Variants in IL17RD observed in about 807,000 individuals in gnomAD.
IL17RD encodes the protein interleukin-17 receptor D.
Under a neutral mutation model 80.5 loss-of-function variants are expected in IL17RD, and 52 were observed. The observed-to-expected ratio is 0.65, with a 90% confidence interval of 0.52 to 0.81. The LOEUF is 0.81. Among genes scored for constraint, IL17RD ranks in the 40% least tolerant of loss-of-function variants. The probability of loss-of-function intolerance (pLI) is 0.00; values close to 1 mark genes in which losing one functional copy is unlikely to be tolerated. For synonymous variants in IL17RD, 416 were observed against 391.8 expected, an observed-to-expected ratio of 1.06 and a Z score of -0.73; for missense variants, 1,024 against 955.1, an observed-to-expected ratio of 1.07 and a Z score of -0.95.
At chr3:57,165,966 A>C (rs1428846171), upstream of IL17RD, among the ~76,000 whole-genome samples, 1 of 152,218 alleles carries the variant, frequency 6.6e-6, no homozygotes, top group Non-Finnish European at 1.5e-5. Flanking sequence ...TAAAGGCTAC[A>C]ATCTATCATT....
rs143192526 is a variant in IL17RD at position 57,107,497 on chromosome 3, A to C, written c.551-1343T>G. Among the ~76,000 whole-genome samples, 165 of 152,338 alleles carry C rather than the reference A, an allele frequency of 1.1e-3. 1 individual carries two copies. Among genetic ancestry groups the C allele is most frequent in the African/African-American group, 3.8e-3 (158 of 41,580 alleles). On this transcript the variant is annotated intron_variant, in intron 5 of 12. Transcript: ENST00000296318. The stretch of plus-strand genomic sequence containing the variant: ...GTAGGCTGGAGTTGTGAACAGAAAC[A>C]TCACAATGGATGAGGGCTGCAACCA...
intron 1 of IL17RD, among the ~76,000 whole-genome samples, chr3:57,145,318 T>C (rs1166415407): frequency 1.3e-5 from 2 of 152,046 alleles, no homozygotes; most frequent in African/African-American, 2.4e-5. Context: ...ATGTTAAAAA[T>C]TGGGAGATGC....
chr3:57,130,220 C>T (rs1707576284), intron 1 of IL17RD, among the ~76,000 whole-genome samples: 1 of 152,134 alleles, frequency 6.6e-6, no homozygotes, highest in Admixed American at 6.5e-5. Context: ...TCATGAAGGC[C>T]ACCCAAGGGC....
At chr3:57,109,501 T>A (rs1191913494) in intron 5 of IL17RD, 36 bp downstream of exon 5, 4 of 1,593,136 alleles carry the variant, frequency 2.5e-6, no homozygotes, top group Non-Finnish European at 3.4e-6. Flanking sequence ...GAGAAAAGTC[T>A]TCTCATGGGA....
chr3:57,122,969 C>T (rs185013001), intron 1 of IL17RD, among the ~76,000 whole-genome samples: 90 of 151,796 alleles, frequency 5.9e-4, no homozygotes, highest in South Asian at 8.3e-4. Context: ...TTTGTTTCCT[C>T]TTATTCCTAT....
intron 1 of IL17RD, among the ~76,000 whole-genome samples, chr3:57,158,212 T>G (rs2107544297): frequency 6.6e-6 from 1 of 152,332 alleles, no homozygotes; most frequent in East Asian, 1.9e-4. Flanking sequence ...GTAGTAGTTT[T>G]AATGAAAAGC....
At chr3:57,096,954 G>T (rs955443765) in intron 12 of IL17RD, among the ~76,000 whole-genome samples, 9 of 150,866 alleles carry the variant, frequency 6.0e-5, no homozygotes, top group Non-Finnish European at 1.3e-4. Context: ...AGGTTGCAGT[G>T]AGCTGAGATC....
intron 1 of IL17RD, among the ~76,000 whole-genome samples, chr3:57,124,940 T>C (rs1179397966): frequency 6.6e-6 from 1 of 152,146 alleles, no homozygotes; most frequent in Non-Finnish European, 1.5e-5. Context: ...GAGCTGCCGC[T>C]TGAGATTCTA....
At chr3:57,145,237 T>C (rs1006577841) in intron 1 of IL17RD, among the ~76,000 whole-genome samples, 3 of 152,118 alleles carry the variant, frequency 2.0e-5, no homozygotes, top group Non-Finnish European at 2.9e-5. Flanking sequence ...GATTCACTGA[T>C]TGATTGGGCC....
intron 1 of IL17RD, among the ~76,000 whole-genome samples, chr3:57,133,495 A>C (rs1707657226): frequency 6.6e-6 from 1 of 152,248 alleles, no homozygotes; most frequent in Non-Finnish European, 1.5e-5. Context: ...ATGCTTGCCA[A>C]GGAGTATTCA....
chr3:57,157,641 A>G (rs146447686), intron 1 of IL17RD, among the ~76,000 whole-genome samples: 62 of 152,378 alleles, frequency 4.1e-4, no homozygotes, highest in African/African-American at 1.5e-3. Context: ...GACCACGCTC[A>G]GGCGGCGGAC....
chr3:57,125,720 A>C (rs984580625), intron 1 of IL17RD, among the ~76,000 whole-genome samples: 4 of 152,200 alleles, frequency 2.6e-5, no homozygotes, highest in African/African-American at 9.7e-5. Context: ...AGGTATTGGT[A>C]GGCACTGATC....
intron 11 of IL17RD, among the ~76,000 whole-genome samples, chr3:57,100,833 C>T (rs1706811032): frequency 6.6e-6 from 1 of 152,230 alleles, no homozygotes; most frequent in African/African-American, 2.4e-5. Context: ...CCTGAACATG[C>T]TCACTAGGAT....
chr3:57,111,015 C>G (rs1174465500), intron 3 of IL17RD, among the ~76,000 whole-genome samples: 1 of 152,196 alleles, frequency 6.6e-6, no homozygotes, highest in Non-Finnish European at 1.5e-5. Flanking sequence ...ACTGCACGTC[C>G]GACTAGATGC....
intron 1 of IL17RD, among the ~76,000 whole-genome samples, chr3:57,138,644 G>A (rs1371711717): frequency 1.3e-5 from 2 of 152,014 alleles, no homozygotes; most frequent in Admixed American, 6.6e-5. Flanking sequence ...GCAATAACGA[G>A]AATACTGGGG....
intron 1 of IL17RD, chr3:57,134,620 G>A (rs1416054449): frequency 9.2e-6 from 8 of 873,714 alleles, no homozygotes; most frequent in Non-Finnish European, 1.2e-5. Flanking sequence ...GCTAAGGCCC[G>A]CAGGTCTAAG....
chr3:57,126,745 G>A (rs1168676109), intron 1 of IL17RD, among the ~76,000 whole-genome samples: 1 of 152,196 alleles, frequency 6.6e-6, no homozygotes, highest in East Asian at 1.9e-4. Context: ...AATCAAGTAA[G>A]GAACTTTCAG....
At chr3:57,129,042 C>T (rs902906339) in intron 1 of IL17RD, among the ~76,000 whole-genome samples, 2 of 152,178 alleles carry the variant, frequency 1.3e-5, no homozygotes, top group Non-Finnish European at 2.9e-5. Context: ...CCAGACCTTT[C>T]CCTCCGCTTC....
chr3:57,111,103 G>C (rs1707087634), intron 3 of IL17RD, among the ~76,000 whole-genome samples: 1 of 152,254 alleles, frequency 6.6e-6, no homozygotes, highest in Non-Finnish European at 1.5e-5. Flanking sequence ...AAGTGGTCCA[G>C]CTGCAGCTGG....
Sources: gnomAD v4.1 joint callset for allele counts (sites outside exome capture counted in the v4.1 genomes callset) on GRCh38, gnomAD v4.1.1 for gene constraint, MANE v1.5 for transcripts, NCBI Gene and HGNC (gene_info 2026-07-23, HGNC 2026-07-21) for gene names.